The following HERC1 variants were observed in gnomAD, a reference collection of about 807,000 sequenced individuals.
HERC1 encodes probable E3 ubiquitin-protein ligase HERC1.
A neutral mutation model predicts 554.3 loss-of-function variants in HERC1; 160 were observed. The ratio of observed to expected loss-of-function variants is 0.29; its 90% confidence interval spans 0.25 to 0.33. The LOEUF is 0.33. Among genes scored for constraint, HERC1 ranks in the 10% least tolerant of loss-of-function variants. HERC1 has a pLI of 1.00. For synonymous variants in HERC1, 2,175 were observed against 2,131.7 expected (o/e 1.02, Z -0.56); for missense variants, 4,919 against 5,918.5 (o/e 0.83, Z 5.54).
chr15:63,631,307 G>C (rs2068545951), intron 68 of HERC1, among the ~76,000 whole-genome samples: 1 of 152,182 alleles, frequency 6.6e-6, no homozygotes, highest in East Asian at 1.9e-4. Context: ...ACCTTCTGCA[G>C]CCTAACTTCC....
chr15:63,657,061 G>C (rs2070081082), intron 48 of HERC1, among the ~76,000 whole-genome samples: 1 of 152,086 alleles, frequency 6.6e-6, no homozygotes, highest in African/African-American at 2.4e-5. Flanking sequence ...GTGGATCTCT[G>C]GGTCACAGAG....
At chr15:63,763,078 C>T (rs1001236929) in intron 3 of HERC1, among the ~76,000 whole-genome samples, 1 of 152,198 alleles carries the variant, frequency 6.6e-6, no homozygotes, top group Non-Finnish European at 1.5e-5. Flanking sequence ...GAGCTCAGGG[C>T]CTTTGTGGGC....
At chr15:63,789,427 A>G (rs1441818866) in intron 1 of HERC1, among the ~76,000 whole-genome samples, 1 of 152,096 alleles carries the variant, frequency 6.6e-6, no homozygotes, top group African/African-American at 2.4e-5. Flanking sequence ...TATATATCAC[A>G]AAACAAAACC....
At chr15:63,800,692 G>A (rs138983524) in intron 1 of HERC1, among the ~76,000 whole-genome samples, 13 of 152,260 alleles carry the variant, frequency 8.5e-5, no homozygotes, top group African/African-American at 2.9e-4. Context: ...TAATTTGTGC[G>A]ATTTGTTTAA....
intron 48 of HERC1, among the ~76,000 whole-genome samples, chr15:63,656,831 T>C (rs2070066461): frequency 6.6e-6 from 1 of 152,240 alleles, no homozygotes; most frequent in South Asian, 2.1e-4. Flanking sequence ...CTTTTGTGTC[T>C]GGCTTCTTCA....
intron 74 of HERC1, among the ~76,000 whole-genome samples, chr15:63,618,478 C>T (rs1478714489): frequency 2.7e-5 from 4 of 150,684 alleles, no homozygotes; most frequent in African/African-American, 9.8e-5. Flanking sequence ...ATTGACTTGG[C>T]AATGCGGGCT....
At chr15:63,786,920 ATT>A (rs987704951) in intron 1 of HERC1, among the ~76,000 whole-genome samples, 1 of 133,566 alleles carries the variant, frequency 7.5e-6, no homozygotes, top group East Asian at 2.1e-4. Flanking sequence ...ATAAATTATT[ATT>A]TTTTTTTTTT....
chr15:63,806,904 C>T (rs2077156895), intron 1 of HERC1, among the ~76,000 whole-genome samples: 1 of 152,146 alleles, frequency 6.6e-6, no homozygotes, highest in Non-Finnish European at 1.5e-5. Context: ...TGCGCCACCG[C>T]GCCCGGCTAA....
chr15:63,662,759 T>C (rs2070424730), intron 44 of HERC1, among the ~76,000 whole-genome samples: 1 of 152,196 alleles, frequency 6.6e-6, no homozygotes. Flanking sequence ...ATTCATCTTG[T>C]CTGGGGAGAG....
In HERC1 at chr15:63,725,479, T is replaced by C. The variant is rs865787248; in HGVS notation, c.3381A>G (p.Pro1127=). The C allele has an allele frequency of 1.9e-6, 3 of 1,613,962 alleles. No homozygotes were observed. In the Middle Eastern group the frequency reaches 4.9e-4, roughly 266 times the overall value. The change falls in exon 18 of 78, where the codon CCA becomes CCG. Residue 1127 remains proline, a synonymous_variant. Transcript: ENST00000443617. ...GPELIDPAGL[P]LPQPAQSWVW... is the part of the protein sequence containing the mutation. ...CCCAGGACTGAGCTGGCTGAGGTAA[T>C]GGCAGACCAGCAGGATCAATTAGTT...
chr15:63,615,589 G>A (rs1420507546), intron 76 of HERC1, among the ~76,000 whole-genome samples, 179 bp downstream of exon 76: 2 of 152,226 alleles, frequency 1.3e-5, no homozygotes, highest in Non-Finnish European at 2.9e-5. Context: ...CAGCCTAGGC[G>A]ACAGAGTGAG....
Position 63,729,353 on chromosome 15 carries a change from C to A in HERC1, c.3037G>T (p.Ala1013Ser), listed in dbSNP as rs1359864497. ...AGCTGAAGATGTTTATGAAGCAATG[C>A]CACACTGCTTGAGTTCTAAGAAGAA... Reference protein sequence around the residue: ...NNISENSSSVALLHKHLQLLL... With the variant: ...NNISENSSSVSLLHKHLQLLL... Residue 1013 changes from alanine (A) to serine (S), a missense_variant, in exon 16 of 78, where the codon GCA becomes TCA. Coordinates refer to ENST00000443617, the MANE Select transcript of HERC1 (RefSeq NM_003922.4). 3.7e-6 allele frequency: 6 copies of A among 1,605,750 alleles called. No homozygotes were observed. The highest frequency in any genetic ancestry group is 4.5e-5 in the East Asian group (2 of 44,798).
intron 7 of HERC1, among the ~76,000 whole-genome samples, chr15:63,753,842 T>C (rs1301688681): frequency 6.6e-6 from 1 of 152,130 alleles, no homozygotes; most frequent in Non-Finnish European, 1.5e-5. Flanking sequence ...CTTCAAGCCA[T>C]TTAAAAGAAT....
intron 34 of HERC1, among the ~76,000 whole-genome samples, chr15:63,686,045 C>T (rs183045246): frequency 3.7e-4 from 56 of 152,304 alleles, no homozygotes; most frequent in Non-Finnish European, 5.9e-4. Flanking sequence ...TAGACAAAAA[C>T]ATCACACGCT....
chr15:63,706,937 TCTTA>T (rs1260519369), intron 24 of HERC1, 106 bp from the exon 25 acceptor site: 3 of 675,354 alleles, frequency 4.4e-6, no homozygotes, highest in Non-Finnish European at 4.9e-6. Context: ...TACAGCAATG[TCTTA>T]CTTATTCATC....
Position 63,640,379 on chromosome 15 carries a change from C to A in HERC1, c.11674G>T (p.Val3892Leu), listed in dbSNP as rs1477333166. The A allele has an allele frequency of 1.2e-6, 2 of 1,613,846 alleles. No homozygotes were observed. Among genetic ancestry groups the A allele is most frequent in the East Asian group, 4.5e-5 (2 of 44,876 alleles). ...AACAGCTGATCCAGATGAAGTCCCA[C>A]AGCAAGGGAAGCCAAGCATTGCATA... ...PYMQCLASLA[V>L]GLHLDQLLCN... Residue 3892 changes from valine (V) to leucine (L), a missense_variant, in exon 61 of 78, where the codon GTG becomes TTG. Val to Leu is a conservative substitution (Grantham distance 32). Around this residue, in one of 11 missense-constraint regions of HERC1, gnomAD observed 1,963 missense variants for 2,228.6 expected, o/e 0.88. Coordinates refer to ENST00000443617, the MANE Select transcript of HERC1 (RefSeq NM_003922.4).
In HERC1 at chr15:63,749,922, T is replaced by G. The variant is rs931563441; in HGVS notation, c.1903-131A>C. 1 of 787,172 alleles carries G rather than the reference T, an allele frequency of 1.3e-6. No homozygotes were observed. The highest frequency in any genetic ancestry group is 1.9e-6 in the Non-Finnish European group (1 of 526,746). The allele number at this position is 787,172 out of a possible 1,614,324, so 48.8% of individuals were successfully genotyped here. A position where few individuals can be genotyped will look rare whatever the true frequency, so the allele number is the denominator to read the frequency against. ...TAACTTTCTGATGTTAAAATCATTT[T>G]GATCATTTTAAAGATTGTTACAGCG... is the stretch of plus-strand genomic sequence containing the variant. On this transcript the variant is annotated intron_variant, in intron 8 of 77. Transcript: ENST00000443617. The surrounding 1 kb of genome is among the most constrained non-coding windows in gnomAD (Gnocchi z 4.1).
Position 63,633,860 on chromosome 15 carries a change from T to C in HERC1, c.12681A>G (p.Lys4227=). ...GKLGLGNSTA[K]SSPQKIDVLC... Reference sequence around the variant, plus strand: ...AGGCAGTACTGACCTGAGGTGAAGATTTTGCAGTGGAATTTCCTAAGCCTA... The same window carrying C: ...AGGCAGTACTGACCTGAGGTGAAGACTTTGCAGTGGAATTTCCTAAGCCTA... Residue 4227 remains lysine (K), a synonymous_variant, in exon 67 of 78, where the codon AAA becomes AAG. Coordinates refer to ENST00000443617, the MANE Select transcript of HERC1 (RefSeq NM_003922.4). The C allele has an allele frequency of 6.2e-7, 1 of 1,613,138 alleles. No homozygotes were observed. Among genetic ancestry groups the C allele is most frequent in the Non-Finnish European group, 8.5e-7 (1 of 1,179,470 alleles).
intron 1 of HERC1, among the ~76,000 whole-genome samples, chr15:63,829,559 G>GTATATATA (rs1316907768): frequency 1.2e-3 from 112 of 94,610 alleles, no homozygotes; most frequent in African/African-American, 3.0e-3. Flanking sequence ...GTGTGTGTGT[G>GTATATATA]TGTATATATA....
Sources: gnomAD v4.1 joint callset for allele counts (sites outside exome capture counted in the v4.1 genomes callset) on GRCh38, gnomAD v4.1.1 for gene constraint, gnomAD v4.1.1 regional missense constraint, Gnocchi (gnomAD v3.1) non-coding constraint, MANE v1.5 for transcripts, NCBI Gene and HGNC (gene_info 2026-07-23, HGNC 2026-07-21) for gene names.